STPG2: variants seen among roughly 807,000 people sequenced by gnomAD.
STPG2 encodes the protein sperm tail PG-rich repeat containing 2, also known as sperm-tail PG-rich repeat-containing protein 2.
A neutral mutation model predicts 54.2 loss-of-function variants in STPG2; 56 were observed. The observed-to-expected ratio is 1.03, with a 90% CI of 0.83 to 1.29. STPG2 has a LOEUF of 1.29. Ranked by LOEUF, STPG2 falls within the 50% of genes most tolerant of loss-of-function variation. The probability of loss-of-function intolerance (pLI) is 0.00; values close to 1 mark genes in which losing one functional copy is unlikely to be tolerated. For missense variants in STPG2, 596 were observed against 544.9 expected, an observed-to-expected ratio of 1.09 and a Z score of -0.93; for synonymous variants, 200 against 181.8, an observed-to-expected ratio of 1.10 and a Z score of -0.81.
intron 9 of STPG2, among the ~76,000 whole-genome samples, chr4:97,760,829 G>A (rs1023297841): frequency 5.3e-5 from 8 of 152,242 alleles, no homozygotes; most frequent in African/African-American, 1.9e-4. Context: ...GGGTCTTAAT[G>A]GGCTAAAATA....
chr4:97,450,307 C>T (rs1340769780), intron 4 of STPG2, among the ~76,000 whole-genome samples: 1 of 152,112 alleles, frequency 6.6e-6, no homozygotes, highest in Non-Finnish European at 1.5e-5. Flanking sequence ...ACATCAGGTG[C>T]CTACTATATA....
At chr4:97,505,593 A>T (rs1730826998) in intron 4 of STPG2, among the ~76,000 whole-genome samples, 2 of 152,008 alleles carry the variant, frequency 1.3e-5, no homozygotes, top group Admixed American at 1.3e-4. Context: ...ATGCATTGAA[A>T]TTGTGCACTG....
At chr4:97,593,468 T>C (rs1733198331) in intron 10 of STPG2, among the ~76,000 whole-genome samples, 1 of 152,114 alleles carries the variant, frequency 6.6e-6, no homozygotes, top group Non-Finnish European at 1.5e-5. Context: ...TATGCCACCA[T>C]TGCACGTGAG....
At position 97,943,863 on chromosome 4, in the gene STPG2, T is replaced by C. The variant is rs780776653; in HGVS notation, c.1044+34A>G. 3.5e-6 allele frequency: 5 copies of C among 1,433,054 alleles called. No homozygotes were observed. The South Asian group carries it at 5.7e-5, about 16-fold the overall frequency. 88.8% of individuals were successfully genotyped at this position (1,433,054 alleles called of 1,614,324 possible). A position where few individuals can be genotyped will look rare whatever the true frequency, so the allele number is the denominator to read the frequency against. The stretch of plus-strand genomic sequence containing the variant: ...TGCAGCCTCCTCCATGATTTCTAGA[T>C]AATGAAAATATTTGATTGTAGGAGT... On this transcript the variant is annotated intron_variant, in intron 8 of 10. Coordinates refer to ENST00000295268, the MANE Select transcript of STPG2 (RefSeq NM_174952.3).
intron 9 of STPG2, among the ~76,000 whole-genome samples, chr4:97,738,083 A>G (rs1578520836): frequency 6.6e-6 from 1 of 152,224 alleles, no homozygotes; most frequent in Non-Finnish European, 1.5e-5. Flanking sequence ...AAGAATGTTC[A>G]ACCCAGAATT....
chr4:97,967,501 A>T (rs1357799319), intron 7 of STPG2, among the ~76,000 whole-genome samples: 2 of 152,180 alleles, frequency 1.3e-5, no homozygotes, highest in Non-Finnish European at 1.5e-5. Flanking sequence ...CTCTGCACCA[A>T]GCAGACCTAA....
At chr4:97,933,716 A>T (rs543689962) in intron 8 of STPG2, among the ~76,000 whole-genome samples, 163 of 152,172 alleles carry the variant, frequency 1.1e-3, no homozygotes, top group African/African-American at 3.8e-3. Context: ...TGTTCCGTTG[A>T]TCTATGTGTC....
intron 3 of STPG2, among the ~76,000 whole-genome samples, chr4:98,115,358 C>G (rs1323325594): frequency 2.0e-5 from 3 of 151,876 alleles, no homozygotes; most frequent in Non-Finnish European, 2.9e-5. Flanking sequence ...TGAAATACAC[C>G]TCTGAAAAAT....
intron 5 of STPG2, among the ~76,000 whole-genome samples, chr4:98,058,741 C>A (rs938749050): frequency 1.3e-5 from 2 of 151,996 alleles, no homozygotes; most frequent in South Asian, 4.1e-4. Flanking sequence ...AACTCTCCAC[C>A]CAAAAACAAC....
At chr4:97,462,197 C>T (rs1011441597) in intron 4 of STPG2, among the ~76,000 whole-genome samples, 1 of 151,958 alleles carries the variant, frequency 6.6e-6, no homozygotes, top group South Asian at 2.1e-4. Context: ...ATTGATAAGA[C>T]CAACTTTCCA....
chr4:97,456,931 G>C (rs1018303680), intron 4 of STPG2, among the ~76,000 whole-genome samples: 8 of 127,762 alleles, frequency 6.3e-5, no homozygotes, highest in Non-Finnish European at 1.2e-4. Flanking sequence ...AAAAAAGATG[G>C]GTAAAATACC....
At chr4:97,952,886 C>T (rs920840790) in intron 7 of STPG2, among the ~76,000 whole-genome samples, 3 of 152,102 alleles carry the variant, frequency 2.0e-5, no homozygotes, top group Non-Finnish European at 4.4e-5. Context: ...CATTGTTGTT[C>T]TACTTGGAGA....
chr4:97,780,969 A>C (rs546128718), intron 9 of STPG2, among the ~76,000 whole-genome samples: 1 of 152,318 alleles, frequency 6.6e-6, no homozygotes, highest in East Asian at 1.9e-4. Context: ...AATGCCCACA[A>C]GAGAAAGCGG....
intron 4 of STPG2, among the ~76,000 whole-genome samples, chr4:97,443,981 C>T (rs1729155698): frequency 6.6e-6 from 1 of 151,904 alleles, no homozygotes; most frequent in Admixed American, 6.6e-5. Context: ...CTGGAATTTA[C>T]AAATAATAAC....
intron 7 of STPG2, among the ~76,000 whole-genome samples, chr4:97,952,031 A>C (rs1234087532): frequency 6.6e-6 from 1 of 152,034 alleles, no homozygotes; most frequent in Middle Eastern, 3.2e-3. Context: ...TTCCAGACAC[A>C]CTCATGACCC....
intron 8 of STPG2, among the ~76,000 whole-genome samples, chr4:97,881,237 TAAGCC>T (rs1369548904): frequency 6.6e-6 from 1 of 152,172 alleles, no homozygotes; most frequent in African/African-American, 2.4e-5. Flanking sequence ...AGAGCTCATC[TAAGCC>T]AACCCTCTCA....
chr4:97,597,735 G>C (rs57772100), intron 10 of STPG2, among the ~76,000 whole-genome samples: 1 of 151,710 alleles, frequency 6.6e-6, no homozygotes, highest in African/African-American at 2.4e-5. Flanking sequence ...AACATACATC[G>C]GAAGTATAAG....
intron 9 of STPG2, among the ~76,000 whole-genome samples, chr4:97,732,374 T>G (rs1245268714): frequency 1.3e-5 from 2 of 152,178 alleles, no homozygotes; most frequent in East Asian, 3.8e-4. Flanking sequence ...AGGTGAGAGA[T>G]AGCGATCCAG....
chr4:97,762,520 C>A (rs913771907), intron 9 of STPG2, among the ~76,000 whole-genome samples: 4 of 152,072 alleles, frequency 2.6e-5, no homozygotes, highest in African/African-American at 9.7e-5. Flanking sequence ...TAGAGATGTG[C>A]GCACCATTAA....
Sources: allele counts gnomAD v4.1 joint callset (sites outside exome capture counted in the v4.1 genomes callset), GRCh38; gene constraint gnomAD v4.1.1; transcripts MANE v1.5; gene names NCBI Gene and HGNC (gene_info 2026-07-23, HGNC 2026-07-21).